The following SYNPR variants were observed in gnomAD, a reference collection of about 807,000 sequenced individuals.
The protein encoded by SYNPR is synaptoporin.
SYNPR carries 23 observed loss-of-function variants against 32.9 expected under a neutral mutation model. That is an observed-to-expected ratio of 0.70 (90% CI 0.50 to 0.99). The LOEUF is 0.99. Among genes scored for constraint, SYNPR ranks in the 50% least tolerant of loss-of-function variants. SYNPR has a pLI of 0.00. For missense variants in SYNPR, 318 were observed against 349.3 expected (o/e 0.91, Z 0.71); for synonymous variants, 146 against 135.9 (o/e 1.07, Z -0.52).
intron 1 of SYNPR, among the ~76,000 whole-genome samples, chr3:63,242,642 A>T (rs1157285253): frequency 1.3e-5 from 2 of 151,992 alleles, no homozygotes; most frequent in African/African-American, 4.8e-5. Flanking sequence ...TCCAAAACCC[A>T]GACTACACAC....
intron 3 of SYNPR, among the ~76,000 whole-genome samples, chr3:63,525,777 G>C (rs1702000706): frequency 6.6e-6 from 1 of 152,216 alleles, no homozygotes; most frequent in African/African-American, 2.4e-5. Flanking sequence ...GTTTGGCCAT[G>C]AACCAGGGAG....
At chr3:63,402,309 T>C (rs369998191) in intron 2 of SYNPR, among the ~76,000 whole-genome samples, 2 of 152,120 alleles carry the variant, frequency 1.3e-5, no homozygotes, top group African/African-American at 2.4e-5. Flanking sequence ...CTTTGTCAGA[T>C]GTCCCTGGGG....
chr3:63,534,758 G>C (rs1319276300), intron 3 of SYNPR, among the ~76,000 whole-genome samples: 4 of 152,184 alleles, frequency 2.6e-5, no homozygotes, highest in Admixed American at 6.6e-5. Flanking sequence ...CACTGTGTAT[G>C]ATGAGGTAAC....
chr3:63,225,049 G>C (rs1208024346), upstream of SYNPR, among the ~76,000 whole-genome samples: 2 of 152,138 alleles, frequency 1.3e-5, no homozygotes, highest in Non-Finnish European at 2.9e-5. Flanking sequence ...CATAACTTTT[G>C]CTTAAGGAGA....
At chr3:63,610,964 TGGTGCTGTA>T (rs1700188358) in intron 5 of SYNPR, among the ~76,000 whole-genome samples, 1 of 152,164 alleles carries the variant, frequency 6.6e-6, no homozygotes. Context: ...ACAGGTCCAG[TGGTGCTGTA>T]GTGATGTATC....
chr3:63,591,960 A>G (rs1699837702), intron 4 of SYNPR, among the ~76,000 whole-genome samples: 1 of 151,946 alleles, frequency 6.6e-6, no homozygotes, highest in South Asian at 2.1e-4. Flanking sequence ...GGACCTGTGA[A>G]CCTGTGAATG....
chr3:63,251,186 C>T (rs768282521), intron 1 of SYNPR, among the ~76,000 whole-genome samples: 8 of 151,510 alleles, frequency 5.3e-5, no homozygotes, highest in Non-Finnish European at 7.4e-5. Context: ...AATTGAAGGA[C>T]GAAAGAAGAA....
intron 2 of SYNPR, among the ~76,000 whole-genome samples, chr3:63,354,390 T>C (rs556638691): frequency 3.9e-5 from 6 of 152,178 alleles, no homozygotes; most frequent in South Asian, 4.1e-4. Flanking sequence ...TTTAGGGCTG[T>C]GTGGGCAAAG....
At chr3:63,614,211 A>G (rs1055125214) in intron 5 of SYNPR, among the ~76,000 whole-genome samples, 1 of 152,224 alleles carries the variant, frequency 6.6e-6, no homozygotes, top group Non-Finnish European at 1.5e-5. Context: ...TAATGTTATC[A>G]CAGCTTTGCG....
At chr3:63,599,688 G>A (rs1321034148) in intron 4 of SYNPR, among the ~76,000 whole-genome samples, 1 of 152,156 alleles carries the variant, frequency 6.6e-6, no homozygotes, top group African/African-American at 2.4e-5. Context: ...TCTAACACAT[G>A]TTAATCTCCC....
rs3082128 is a variant in SYNPR at position 63,335,766 on chromosome 3, C to CTTTTTTTTTTTT, written c.84+57037_84+57048dup. On this transcript the variant is annotated intron_variant, in intron 2 of 5. Coordinates refer to ENST00000478300, the MANE Select transcript of SYNPR (RefSeq NM_001130003.2). Reference sequence around the variant, plus strand: ...ACACACTCAAGTCCATATTAGCTTCCTTTTTTTTTTTTTTTTTTTTTTTTG... The same window carrying CTTTTTTTTTTTT: ...ACACACTCAAGTCCATATTAGCTTCCTTTTTTTTTTTTTTTTTTTTTTTTTTTTTTTTTTTTG... 3.4e-4 allele frequency among the ~76,000 whole-genome samples: 31 copies of CTTTTTTTTTTTT among 91,460 alleles called. 2 individuals carry two copies. Among genetic ancestry groups the CTTTTTTTTTTTT allele is most frequent in the Non-Finnish European group, 5.7e-4 (27 of 47,244 alleles). The allele number at this position is 91,460 out of a possible 152,430, so 60.0% of individuals were successfully genotyped here.
At chr3:63,530,348 T>C (rs1702089769) in intron 3 of SYNPR, among the ~76,000 whole-genome samples, 1 of 152,104 alleles carries the variant, frequency 6.6e-6, no homozygotes, top group Admixed American at 6.6e-5. Flanking sequence ...TGGCCCATGG[T>C]GCTTCCCAGC....
intron 2 of SYNPR, among the ~76,000 whole-genome samples, chr3:63,478,790 C>T (rs1700983561): frequency 6.6e-6 from 1 of 152,168 alleles, no homozygotes; most frequent in African/African-American, 2.4e-5. Flanking sequence ...AGCTCCATTG[C>T]CACGGCATGG....
At chr3:63,315,729 T>G (rs996317300) in intron 2 of SYNPR, among the ~76,000 whole-genome samples, 2 of 152,062 alleles carry the variant, frequency 1.3e-5, no homozygotes, top group East Asian at 3.9e-4. Flanking sequence ...ATGCCCTTTA[T>G]TTCTTTCTCT....
chr3:63,482,379 TC>T (rs1404883983), intron 3 of SYNPR, among the ~76,000 whole-genome samples: 1 of 152,144 alleles, frequency 6.6e-6, no homozygotes, highest in Non-Finnish European at 1.5e-5. Context: ...AGCTTTTCTT[TC>T]TAACATTATC....
intron 2 of SYNPR, among the ~76,000 whole-genome samples, chr3:63,416,497 A>ACTCCAG (rs1210703909): frequency 7.1e-6 from 1 of 141,260 alleles, no homozygotes; most frequent in South Asian, 2.3e-4. Flanking sequence ...GTGCCAATGT[A>ACTCCAG]CTCCAGCCTT....
intron 2 of SYNPR, among the ~76,000 whole-genome samples, chr3:63,355,206 G>A (rs2087560679): frequency 6.6e-6 from 1 of 151,800 alleles, no homozygotes; most frequent in South Asian, 2.1e-4. Flanking sequence ...TTCAGCCTTG[G>A]AGGTGGAGGT....
At chr3:63,504,963 G>A (rs1387535014) in intron 3 of SYNPR, among the ~76,000 whole-genome samples, 1 of 152,106 alleles carries the variant, frequency 6.6e-6, no homozygotes, top group East Asian at 1.9e-4. Context: ...AGATGACTGA[G>A]AAAGAGGTGA....
At chr3:63,564,562 A>T (rs73118763) in intron 4 of SYNPR, among the ~76,000 whole-genome samples, 14,336 of 152,012 alleles carry the variant, frequency 0.094, 779 homozygotes, top group East Asian at 0.17. Context: ...ATAATGCAAA[A>T]ATGTATGGAC....
Sources: gnomAD v4.1 joint callset for allele counts (sites outside exome capture counted in the v4.1 genomes callset) on GRCh38, gnomAD v4.1.1 for gene constraint, MANE v1.5 for transcripts, NCBI Gene and HGNC (gene_info 2026-07-23, HGNC 2026-07-21) for gene names.